Variants in BAZ2B observed in about 807,000 individuals in gnomAD.
BAZ2B encodes bromodomain adjacent to zinc finger domain 2B, also known as bromodomain adjacent to zinc finger domain protein 2B.
In BAZ2B, 91 loss-of-function variants were observed where a neutral mutation model predicts 246.0. The ratio of observed to expected loss-of-function variants is 0.37; its 90% CI spans 0.31 to 0.44. BAZ2B has a LOEUF of 0.44. Among genes scored for constraint, BAZ2B ranks in the 20% least tolerant of loss-of-function variants. The probability of loss-of-function intolerance (pLI) is 1.00; values close to 1 mark genes in which losing one functional copy is unlikely to be tolerated. For synonymous variants in BAZ2B, 855 were observed against 860.0 expected, an observed-to-expected ratio of 0.99 and a Z score of 0.10; for missense variants, 2,332 against 2,533.7, an observed-to-expected ratio of 0.92 and a Z score of 1.71.
intron 1 of BAZ2B, among the ~76,000 whole-genome samples, chr2:159,568,397 T>C (rs974042181): frequency 6.6e-6 from 1 of 152,220 alleles, no homozygotes; most frequent in African/African-American, 2.4e-5. Context: ...TGTAATTTTT[T>C]CATCATGACT....
intron 1 of BAZ2B, among the ~76,000 whole-genome samples, chr2:159,574,568 G>C (rs934669055): frequency 6.6e-6 from 1 of 151,984 alleles, no homozygotes; most frequent in Admixed American, 6.6e-5. Flanking sequence ...AAACCTACAC[G>C]TATGTAGGTT....
At chr2:159,324,521 T>G (rs1056436203) in intron 36 of BAZ2B, among the ~76,000 whole-genome samples, 1 of 152,002 alleles carries the variant, frequency 6.6e-6, no homozygotes, top group Admixed American at 6.6e-5. Flanking sequence ...CAGCTTGGGT[T>G]TGTGGTGCTC....
intron 36 of BAZ2B, among the ~76,000 whole-genome samples, chr2:159,322,387 T>C (rs1232367222): frequency 1.3e-5 from 2 of 152,220 alleles, no homozygotes; most frequent in Non-Finnish European, 2.9e-5. Flanking sequence ...GGAAACATCA[T>C]ACTCATTAAA....
rs769505603 is a variant in BAZ2B at position 159,577,120 on chromosome 2, C to T, written c.-45-21255G>A. Among the ~76,000 whole-genome samples, 7 of 147,996 alleles carry T rather than the reference C, an allele frequency of 4.7e-5. No individual in the cohort carries two copies. The South Asian group carries it at 6.4e-4, about 14-fold the overall frequency. On this transcript the variant is annotated intron_variant, in intron 1 of 36. Coordinates refer to ENST00000392783, the MANE Select transcript of BAZ2B (RefSeq NM_013450.4). Reference sequence around the variant, plus strand: ...GTGTATGCCTCTAGTCCCAGCTACTCGGAAGGCTGAGGCAGGAGGATCACT... The same window carrying T: ...GTGTATGCCTCTAGTCCCAGCTACTTGGAAGGCTGAGGCAGGAGGATCACT...
At chr2:159,540,937 T>C (rs1050949225) in intron 2 of BAZ2B, among the ~76,000 whole-genome samples, 7 of 152,182 alleles carry the variant, frequency 4.6e-5, no homozygotes, top group African/African-American at 1.7e-4. Context: ...TTAATGTAAA[T>C]GTGACTACAT....
chr2:159,543,575 T>G (rs1578228580), intron 2 of BAZ2B, among the ~76,000 whole-genome samples: 1 of 151,092 alleles, frequency 6.6e-6, no homozygotes, highest in East Asian at 1.9e-4. Context: ...CTCGCTCTTT[T>G]GCCAGGCTGG....
intron 1 of BAZ2B, among the ~76,000 whole-genome samples, chr2:159,606,553 G>C (rs1693542498): frequency 6.6e-6 from 1 of 152,124 alleles, no homozygotes; most frequent in Non-Finnish European, 1.5e-5. Flanking sequence ...AGAAAAGATA[G>C]TAAGCATGGC....
At chr2:159,459,724 A>G (rs913688568) in intron 3 of BAZ2B, 1 of 152,204 alleles carries the variant, frequency 6.6e-6, no homozygotes, top group Non-Finnish European at 1.5e-5. Context: ...GCTCAAGTCA[A>G]ATAGGCTCTA....
the BAZ2B span, chr2:159,694,351 TAACA>T: frequency 5.9e-5 from 9 of 152,272 alleles, no homozygotes; most frequent in African/African-American, 2.2e-4. Context: ...ATGACAGTCC[TAACA>T]AACAAATACA....
chr2:159,466,414 G>A (rs2077055574), intron 3 of BAZ2B, among the ~76,000 whole-genome samples: 1 of 151,932 alleles, frequency 6.6e-6, no homozygotes, highest in Non-Finnish European at 1.5e-5. Context: ...TATATATTTT[G>A]TGTCAGGCAC....
At chr2:159,459,241 C>G (rs2076138608) in intron 3 of BAZ2B, 1 of 152,256 alleles carries the variant, frequency 6.6e-6, no homozygotes, top group South Asian at 2.1e-4. Flanking sequence ...TTACTCTTTA[C>G]AAAACATTGC....
At chr2:159,650,041 CATT>C in the BAZ2B span, among the ~76,000 whole-genome samples, 1 of 152,142 alleles carries the variant, frequency 6.6e-6, no homozygotes, top group Non-Finnish European at 1.5e-5. Flanking sequence ...CCATCTCAGA[CATT>C]ATAGTTATCA....
chr2:159,406,858 C>T (rs2066016274), intron 14 of BAZ2B, among the ~76,000 whole-genome samples: 1 of 151,894 alleles, frequency 6.6e-6, no homozygotes, highest in Admixed American at 6.6e-5. Flanking sequence ...AGGTTTACGC[C>T]ATTCTCCTGC....
intron 18 of BAZ2B, among the ~76,000 whole-genome samples, chr2:159,398,495 C>T (rs1207478432): frequency 6.6e-6 from 1 of 151,896 alleles, no homozygotes; most frequent in Non-Finnish European, 1.5e-5. Context: ...TAAACATAAA[C>T]ATAAACATAA....
At chr2:159,472,359 G>T (rs1213468847) in intron 3 of BAZ2B, among the ~76,000 whole-genome samples, 2 of 152,188 alleles carry the variant, frequency 1.3e-5, no homozygotes, top group African/African-American at 4.8e-5. Flanking sequence ...TTTGGGCTGA[G>T]ATGATATATA....
chr2:159,430,993 A>C lies in BAZ2B; in HGVS notation c.2064T>G (p.Gly688=), dbSNP rs35695911. 5.0e-3 allele frequency: 8,011 copies of C among 1,613,948 alleles called. 209 individuals are homozygous for C. In the African/African-American group the frequency reaches 0.067, roughly 14 times the overall value. Reference sequence around the variant, plus strand: ...TGTGGAGGTTACGAGGTGTTGAGTGACCTGTGAGACTCATGGAAGGGCTTT... The same window carrying C: ...TGTGGAGGTTACGAGGTGTTGAGTGCCCTGTGAGACTCATGGAAGGGCTTT... ...SVKSPSMSLT[G]HSTPRNLHIA... is the part of the protein sequence containing the mutation. The change falls in exon 10 of 37, where the codon GGT becomes GGG. Residue 688 remains glycine, a synonymous_variant. Coordinates refer to ENST00000392783, the MANE Select transcript of BAZ2B (RefSeq NM_013450.4).
At chr2:159,513,246 G>A (rs1166640173) in intron 2 of BAZ2B, among the ~76,000 whole-genome samples, 1 of 152,082 alleles carries the variant, frequency 6.6e-6, no homozygotes, top group Non-Finnish European at 1.5e-5. Context: ...AAATATTTTT[G>A]TTACTTTTTA....
At chr2:159,374,103 T>C (rs1314269946) in intron 26 of BAZ2B, among the ~76,000 whole-genome samples, 6 of 147,834 alleles carry the variant, frequency 4.1e-5, no homozygotes, top group Admixed American at 1.4e-4. Context: ...AGAGACAGGG[T>C]CTCGCCATAT....
intron 1 of BAZ2B, among the ~76,000 whole-genome samples, chr2:159,605,206 A>T (rs1469225): frequency 0.92 from 138,719 of 150,688 alleles, 64,310 homozygotes; most frequent in East Asian, 1. Context: ...TTTTTTTTTT[A>T]AATTTTGTGT....
Sources: gnomAD v4.1 joint callset for allele counts (sites outside exome capture counted in the v4.1 genomes callset) on GRCh38, gnomAD v4.1.1 for gene constraint, MANE v1.5 for transcripts, NCBI Gene and HGNC (gene_info 2026-07-23, HGNC 2026-07-21) for gene names.